TRABD2B: variants seen among roughly 807,000 people sequenced by gnomAD.
The protein encoded by TRABD2B is metalloprotease TIKI2.
TRABD2B carries 14 observed loss-of-function variants against 40.1 expected under a neutral mutation model. That is an observed-to-expected ratio of 0.35 (90% CI 0.23 to 0.55). The LOEUF (loss-of-function observed/expected upper bound fraction) is 0.55, where lower values mean the gene tolerates loss of function less well. TRABD2B is among the 20% of genes least tolerant of loss of function. The pLI is 0.90. For missense variants in TRABD2B, 541 were observed against 648.6 expected (o/e 0.83, Z 1.80); for synonymous variants, 263 against 277.0 (o/e 0.95, Z 0.50).
chr1:47,806,066 G>A (rs1644887750), intron 2 of TRABD2B, among the ~76,000 whole-genome samples: 1 of 152,226 alleles, frequency 6.6e-6, no homozygotes, highest in Non-Finnish European at 1.5e-5. Context: ...AAAAGACAGG[G>A]CTGGGGTTTG....
chr1:47,876,698 A>C (rs550430767), intron 2 of TRABD2B, among the ~76,000 whole-genome samples: 1 of 152,342 alleles, frequency 6.6e-6, no homozygotes, highest in South Asian at 2.1e-4. Context: ...AGCCTCCAGC[A>C]GTGCTGGGAG....
chr1:47,893,681 A>G (rs1281881489), intron 2 of TRABD2B, among the ~76,000 whole-genome samples: 1 of 152,210 alleles, frequency 6.6e-6, no homozygotes, highest in African/African-American at 2.4e-5. Context: ...GGAAGTTGCC[A>G]AACATGCTGT....
chr1:47,991,241 T>C (rs976542224), intron 2 of TRABD2B, among the ~76,000 whole-genome samples: 3 of 151,970 alleles, frequency 2.0e-5, no homozygotes, highest in Non-Finnish European at 2.9e-5. Flanking sequence ...TAGAAAGCCA[T>C]AGGGTTGTTA....
chr1:47,900,954 G>C (rs1644592557), intron 2 of TRABD2B, among the ~76,000 whole-genome samples: 1 of 152,148 alleles, frequency 6.6e-6, no homozygotes, highest in African/African-American at 2.4e-5. Context: ...CGGATTTGAA[G>C]GGGTTCTATT....
intron 2 of TRABD2B, among the ~76,000 whole-genome samples, chr1:47,878,322 C>A (rs1644253110): frequency 6.6e-6 from 1 of 152,016 alleles, no homozygotes; most frequent in Non-Finnish European, 1.5e-5. Context: ...CCCTGCACCC[C>A]CCAAAAAAAG....
intron 2 of TRABD2B, among the ~76,000 whole-genome samples, chr1:47,984,013 A>G (rs1019487654): frequency 5.9e-5 from 9 of 152,242 alleles, no homozygotes; most frequent in African/African-American, 1.9e-4. Context: ...TTCTCCGCTG[A>G]TATCATTCTA....
At position 47,930,513 on chromosome 1, in the gene TRABD2B, T is replaced by C. The variant is rs534497272; in HGVS notation, c.666+63521A>G. ...GTCCGCGATAGTAAACCAGGCCTGC[T>C]CTGCCTGCCCTCCTCCCTGCTACTG... is the stretch of plus-strand genomic sequence containing the variant. On this transcript the variant is annotated intron_variant, in intron 2 of 6. Transcript: ENST00000606738. Among the ~76,000 whole-genome samples, 5 of 152,174 alleles carry C rather than the reference T, an allele frequency of 3.3e-5. No homozygotes were observed. The East Asian group carries it at 9.7e-4, about 29-fold the overall frequency.
Position 47,996,994 on chromosome 1 carries a change from C to A in TRABD2B, c.-205G>T, listed in dbSNP as rs2148471825. On this transcript the variant is annotated 5_prime_UTR_variant, in exon 1 of 7. Coordinates refer to ENST00000606738, the MANE Select transcript of TRABD2B (RefSeq NM_001194986.2). This position sits in a 1 kb window ranked among gnomAD's most constrained non-coding sequence, Gnocchi z 4.6. ...GGCTCCGTCTGTTGGAAGAGGGAGA[C>A]CCTCTAGGGCTGGGCCCCTCCCCCG... 9.2e-7 allele frequency: 1 copy of A among 1,090,274 alleles called. No individual in the cohort carries two copies. Among genetic ancestry groups the A allele is most frequent in the Non-Finnish European group, 1.1e-6 (1 of 898,898 alleles). 67.5% of individuals were successfully genotyped at this position (1,090,274 alleles called of 1,614,324 possible).
At chr1:47,970,634 T>G (rs931962346) in intron 2 of TRABD2B, among the ~76,000 whole-genome samples, 4 of 152,212 alleles carry the variant, frequency 2.6e-5, no homozygotes, top group African/African-American at 9.6e-5. Flanking sequence ...AATAATCATT[T>G]ATTTTCACTT....
At chr1:47,876,008 A>C (rs557008257) in intron 2 of TRABD2B, among the ~76,000 whole-genome samples, 13 of 152,352 alleles carry the variant, frequency 8.5e-5, no homozygotes, top group African/African-American at 3.1e-4. Context: ...TGTCACAAAC[A>C]AAGCCAAGAC....
chr1:47,890,907 C>T (rs1644435891), intron 2 of TRABD2B, among the ~76,000 whole-genome samples: 2 of 152,252 alleles, frequency 1.3e-5, no homozygotes, highest in Non-Finnish European at 2.9e-5. Context: ...GTCCTTGGCA[C>T]TAGTGCCGGT....
At chr1:47,828,962 G>A (rs866288854) in intron 2 of TRABD2B, among the ~76,000 whole-genome samples, 8 of 152,292 alleles carry the variant, frequency 5.3e-5, no homozygotes, top group Middle Eastern at 3.4e-3. Flanking sequence ...CGTCTGCATC[G>A]GCCAATGCTG....
chr1:47,978,726 C>T (rs11584659), intron 2 of TRABD2B, among the ~76,000 whole-genome samples: 3,727 of 152,280 alleles, frequency 0.024, 115 homozygotes, highest in Admixed American at 0.088. Context: ...GCTTGGGTGC[C>T]GTCAGAGCTG....
chr1:47,780,419 T>C (rs1252766368), intron 4 of TRABD2B, among the ~76,000 whole-genome samples: 2 of 152,220 alleles, frequency 1.3e-5, no homozygotes, highest in Non-Finnish European at 2.9e-5. Flanking sequence ...CCTATTCATC[T>C]CGTTCATTTA....
intron 2 of TRABD2B, among the ~76,000 whole-genome samples, chr1:47,816,939 A>G (rs1174496368): frequency 1.3e-5 from 2 of 152,158 alleles, no homozygotes; most frequent in East Asian, 3.9e-4. Context: ...TAGTCTAGCA[A>G]TTTTAGCCAT....
At chr1:47,979,641 C>T (rs1645811677) in intron 2 of TRABD2B, among the ~76,000 whole-genome samples, 1 of 152,146 alleles carries the variant, frequency 6.6e-6, no homozygotes, top group Non-Finnish European at 1.5e-5. Flanking sequence ...CCTGCCTTAC[C>T]CCGCCCCCAC....
intron 2 of TRABD2B, among the ~76,000 whole-genome samples, chr1:47,822,307 C>T (rs1239634640): frequency 6.6e-6 from 1 of 152,220 alleles, no homozygotes; most frequent in Non-Finnish European, 1.5e-5. Flanking sequence ...CACCTTTCTA[C>T]TCTGGGCATC....
At chr1:47,851,988 A>G (rs1444223359) in intron 2 of TRABD2B, among the ~76,000 whole-genome samples, 1 of 152,252 alleles carries the variant, frequency 6.6e-6, no homozygotes, top group Non-Finnish European at 1.5e-5. Context: ...ACAAATGTCT[A>G]TGAAATGACA....
intron 2 of TRABD2B, among the ~76,000 whole-genome samples, chr1:47,935,274 C>G (rs1055761665): frequency 2.0e-5 from 3 of 152,198 alleles, no homozygotes; most frequent in Non-Finnish European, 2.9e-5. Flanking sequence ...GGAACAAAAG[C>G]TCAGAGAGGT....
Sources: allele counts gnomAD v4.1 joint callset (sites outside exome capture counted in the v4.1 genomes callset), GRCh38; gene constraint gnomAD v4.1.1; non-coding constraint Gnocchi (gnomAD v3.1); transcripts MANE v1.5; gene names NCBI Gene and HGNC (gene_info 2026-07-23, HGNC 2026-07-21).